COL8A1: variants seen among roughly 807,000 people sequenced by gnomAD.
COL8A1 encodes the protein collagen alpha-1(VIII) chain.
In COL8A1, 21 loss-of-function variants were observed where a neutral mutation model predicts 42.7. The ratio of observed to expected loss-of-function variants is 0.49; its 90% CI spans 0.35 to 0.71. The LOEUF (loss-of-function observed/expected upper bound fraction) is 0.71. Ranked by LOEUF, COL8A1 falls within the 30% of genes least tolerant of loss-of-function variation. The probability of loss-of-function intolerance (pLI) is 0.01; values close to 1 mark genes in which losing one functional copy is unlikely to be tolerated. For missense variants in COL8A1, 788 were observed against 962.4 expected, an observed-to-expected ratio of 0.82 and a Z score of 2.40; for synonymous variants, 367 against 369.1, an observed-to-expected ratio of 0.99 and a Z score of 0.06.
intron 2 of COL8A1, among the ~76,000 whole-genome samples, chr3:99,760,685 C>G (rs1394019198): frequency 6.6e-6 from 1 of 152,208 alleles, no homozygotes; most frequent in Admixed American, 6.5e-5. Flanking sequence ...ACAAATTTCT[C>G]TGACATTCAT....
intron 2 of COL8A1, among the ~76,000 whole-genome samples, chr3:99,780,636 C>T (rs1941776805): frequency 6.6e-6 from 1 of 152,106 alleles, no homozygotes; most frequent in Admixed American, 6.6e-5. Context: ...TCCATATGTT[C>T]TTGTAAGTTC....
chr3:99,739,745 G>A (rs992505503), intron 1 of COL8A1, among the ~76,000 whole-genome samples: 8 of 152,072 alleles, frequency 5.3e-5, no homozygotes, highest in Admixed American at 2.0e-4. Context: ...CAGGCCTCTG[G>A]GCCTGTGATG....
chr3:99,670,697 A>G (rs932623460), intron 1 of COL8A1, among the ~76,000 whole-genome samples: 1 of 152,016 alleles, frequency 6.6e-6, no homozygotes, highest in Non-Finnish European at 1.5e-5. Context: ...ACCCTGCTGT[A>G]CAGCTAATCT....
intron 1 of COL8A1, among the ~76,000 whole-genome samples, chr3:99,733,536 T>A (rs1344802956): frequency 2.0e-5 from 3 of 152,116 alleles, no homozygotes; most frequent in South Asian, 4.2e-4. Flanking sequence ...ATTTTCTTAA[T>A]CCAGTCTATC....
chr3:99,767,802 C>A (rs1199746915), intron 2 of COL8A1, among the ~76,000 whole-genome samples: 1 of 151,926 alleles, frequency 6.6e-6, no homozygotes, highest in African/African-American at 2.4e-5. Context: ...AAGCAAATGC[C>A]CCAAAATAAA....
At chr3:99,789,728 C>T (rs1430829599) in intron 2 of COL8A1, among the ~76,000 whole-genome samples, 1 of 152,102 alleles carries the variant, frequency 6.6e-6, no homozygotes, top group Admixed American at 6.6e-5. Context: ...TTAGAAGCAG[C>T]GTATTCTTAT....
At chr3:99,758,141 T>A (rs186922608) in intron 2 of COL8A1, among the ~76,000 whole-genome samples, 1 of 152,300 alleles carries the variant, frequency 6.6e-6, no homozygotes, top group East Asian at 1.9e-4. Flanking sequence ...AAAATAGGTA[T>A]GAGCAGGAGC....
intron 1 of COL8A1, among the ~76,000 whole-genome samples, chr3:99,645,062 G>A (rs1296114827): frequency 6.6e-6 from 1 of 152,218 alleles, no homozygotes; most frequent in Non-Finnish European, 1.5e-5. Context: ...GAAGAGCACT[G>A]TGATGGGGCA....
intron 1 of COL8A1, among the ~76,000 whole-genome samples, chr3:99,697,147 C>T (rs570988161): frequency 8.6e-5 from 13 of 151,188 alleles, no homozygotes; most frequent in African/African-American, 2.4e-4. Context: ...CCACTACGCC[C>T]GGCTAATTTT....
At chr3:99,697,144 G>T (rs1220349652) in intron 1 of COL8A1, among the ~76,000 whole-genome samples, 1 of 150,860 alleles carries the variant, frequency 6.6e-6, no homozygotes, top group African/African-American at 2.4e-5. Context: ...CCGCCACTAC[G>T]CCCGGCTAAT....
intron 3 of COL8A1, among the ~76,000 whole-genome samples, chr3:99,793,265 GAA>G (rs1356187925): frequency 1.3e-5 from 2 of 152,250 alleles, no homozygotes; most frequent in Non-Finnish European, 2.9e-5. Flanking sequence ...CAAAATCACT[GAA>G]AGAGTAAATT....
chr3:99,640,287 G>T (rs186773766), intron 1 of COL8A1, among the ~76,000 whole-genome samples: 33 of 152,292 alleles, frequency 2.2e-4, no homozygotes, highest in Admixed American at 2.0e-3. Flanking sequence ...CAGACTGCTT[G>T]CTTTATATCT....
chr3:99,732,479 A>T (rs1489855102), intron 1 of COL8A1, among the ~76,000 whole-genome samples: 1 of 152,114 alleles, frequency 6.6e-6, no homozygotes, highest in African/African-American at 2.4e-5. Flanking sequence ...AGAAGTGCCA[A>T]GCAAAAGGGG....
rs1256971230 is a variant in COL8A1 at position 99,795,390 on chromosome 3, C to T, written c.1489C>T (p.Pro497Ser). The T allele has an allele frequency of 1.3e-6, 2 of 1,558,926 alleles. No individual in the cohort carries two copies. The highest frequency in any genetic ancestry group is 1.4e-5 in the African/African-American group (1 of 73,378). ...AGGGGATCAGGGTTTACAGGGCCCCCCAGGTATCCCAGGGATTGGGGGCCC... is the reference window on the plus strand; with the variant it reads ...AGGGGATCAGGGTTTACAGGGCCCCTCAGGTATCCCAGGGATTGGGGGCCC... ...IPGDQGLQGP[P>S]GIPGIGGPSG... The change falls in exon 4 of 4, where the codon CCA (proline) becomes TCA (serine). Residue 497 changes from proline to serine, a missense_variant. Transcript: ENST00000652472.
chr3:99,737,176 C>G (rs971851817), intron 1 of COL8A1, among the ~76,000 whole-genome samples: 2 of 152,194 alleles, frequency 1.3e-5, no homozygotes, highest in African/African-American at 4.8e-5. Flanking sequence ...TGCGACTTGA[C>G]TCTTTATCCA....
chr3:99,769,295 C>T (rs35742383), intron 2 of COL8A1, among the ~76,000 whole-genome samples: 12,144 of 152,232 alleles, frequency 0.08, 583 homozygotes, highest in Middle Eastern at 0.11. Context: ...AACCATTTCC[C>T]GAAGGACAAG....
At chr3:99,705,425 T>A (rs1055920915) in intron 1 of COL8A1, among the ~76,000 whole-genome samples, 2 of 152,200 alleles carry the variant, frequency 1.3e-5, no homozygotes, top group Admixed American at 6.5e-5. Context: ...TTGTATTCTT[T>A]CTCTATTAGA....
At chr3:99,686,898 C>T (rs1939070014) in intron 1 of COL8A1, among the ~76,000 whole-genome samples, 1 of 152,158 alleles carries the variant, frequency 6.6e-6, no homozygotes. Context: ...GAGACAGAGT[C>T]TCACTCTTGC....
At position 99,657,119 on chromosome 3, in the gene COL8A1, T is replaced by A. The variant is rs191340227; in HGVS notation, c.-129+18455T>A. 2.0e-5 allele frequency among the ~76,000 whole-genome samples: 3 copies of A among 152,328 alleles called. No individual in the cohort carries two copies. The East Asian group carries it at 5.8e-4, about 29-fold the overall frequency. On this transcript the variant is annotated intron_variant, in intron 1 of 3. Coordinates refer to ENST00000652472, the MANE Select transcript of COL8A1 (RefSeq NM_020351.4). ...CTTTGTACCTAAAAAACTGACTTCA[T>A]CCTTTTATGGGAGGAAAAGATCTAT... is the stretch of plus-strand genomic sequence containing the variant.
Sources: allele counts gnomAD v4.1 joint callset (sites outside exome capture counted in the v4.1 genomes callset), GRCh38; gene constraint gnomAD v4.1.1; transcripts MANE v1.5; gene names NCBI Gene and HGNC (gene_info 2026-07-23, HGNC 2026-07-21).